Variants in COMMD1 observed in about 807,000 individuals in gnomAD.
COMMD1 encodes copper metabolism domain containing 1, also known as COMM domain-containing protein 1.
A neutral mutation model predicts 17.2 loss-of-function variants in COMMD1; 10 were observed. That is an observed-to-expected ratio of 0.58 (90% CI 0.36 to 0.99). The LOEUF (loss-of-function observed/expected upper bound fraction) is 0.99, where lower values mean the gene tolerates loss of function less well. Ranked by LOEUF, COMMD1 falls within the 50% of genes least tolerant of loss-of-function variation. The probability of loss-of-function intolerance (pLI) is 0.01; values close to 1 mark genes in which losing one functional copy is unlikely to be tolerated. For synonymous variants in COMMD1, 97 were observed against 91.6 expected (o/e 1.06, Z -0.34); for missense variants, 270 against 231.8 (o/e 1.17, Z -1.07).
At chr2:62,085,251 T>C (rs1336956804) in intron 2 of COMMD1, among the ~76,000 whole-genome samples, 6 of 148,830 alleles carry the variant, frequency 4.0e-5, no homozygotes, top group Non-Finnish European at 7.4e-5. Context: ...GGAGCCTTGC[T>C]CTGTCACCCA....
chr2:62,071,305 A>C (rs1005388721), intron 2 of COMMD1, among the ~76,000 whole-genome samples: 30 of 152,210 alleles, frequency 2.0e-4, no homozygotes, highest in Admixed American at 6.5e-5. Flanking sequence ...TATAATTAGC[A>C]CATAATAAGC....
intron 1 of COMMD1, among the ~76,000 whole-genome samples, chr2:61,889,268 G>T (rs1434667931): frequency 6.9e-6 from 1 of 145,244 alleles, no homozygotes; most frequent in Non-Finnish European, 1.5e-5. Flanking sequence ...GTGCAGTGGG[G>T]CGATCTTGGC....
intron 2 of COMMD1, among the ~76,000 whole-genome samples, chr2:62,095,150 A>G (rs1671965703): frequency 6.6e-6 from 1 of 152,226 alleles, no homozygotes; most frequent in South Asian, 2.1e-4. Context: ...TTGGAATCAC[A>G]AACTTTTCCT....
intron 2 of COMMD1, among the ~76,000 whole-genome samples, chr2:62,101,802 C>G (rs1384654962): frequency 6.6e-6 from 1 of 152,212 alleles, no homozygotes; most frequent in African/African-American, 2.4e-5. Context: ...AGGTACACCA[C>G]CCTTTCAGCA....
intron 2 of COMMD1, among the ~76,000 whole-genome samples, chr2:62,006,630 A>G (rs376406095): frequency 2.0e-5 from 3 of 152,234 alleles, no homozygotes; most frequent in Admixed American, 1.3e-4. Flanking sequence ...TGAATATTTT[A>G]TATCCAAAAG....
intron 2 of COMMD1, among the ~76,000 whole-genome samples, chr2:62,016,274 T>G (rs1046232282): frequency 1.4e-5 from 2 of 140,306 alleles, no homozygotes; most frequent in African/African-American, 5.2e-5. Context: ...AGTGGCACAA[T>G]CTCGGCTCAC....
rs1212972398 is a variant in COMMD1 at position 62,098,162 on chromosome 2, C to CTTT, written c.463-37653_463-37651dup. ...AGAGACTGTTTCCTTTCCTTTCTTT[C>CTTT]TTTTTTTTTTTTTTTTTTGAGACAG... On this transcript the variant is annotated intron_variant, in intron 2 of 2. Transcript: ENST00000311832. Among the ~76,000 whole-genome samples, 295 of 125,844 alleles carry CTTT rather than the reference C, an allele frequency of 2.3e-3. 3 individuals carry two copies. Among genetic ancestry groups the CTTT allele is most frequent in the African/African-American group, 8.2e-3 (273 of 33,158 alleles). 82.6% of individuals were successfully genotyped at this position (125,844 alleles called of 152,430 possible). A position where few individuals can be genotyped will look rare whatever the true frequency, so the allele number is the denominator to read the frequency against.
At chr2:62,058,226 A>G (rs571549215) in intron 2 of COMMD1, among the ~76,000 whole-genome samples, 1 of 152,342 alleles carries the variant, frequency 6.6e-6, no homozygotes, top group Non-Finnish European at 1.5e-5. Context: ...TGTCAATTAG[A>G]TTAAGTTGGT....
chr2:62,043,833 G>A (rs1670302535), intron 2 of COMMD1, among the ~76,000 whole-genome samples: 1 of 152,122 alleles, frequency 6.6e-6, no homozygotes, highest in Non-Finnish European at 1.5e-5. Flanking sequence ...AATTTATCGT[G>A]CTGGTGTTTT....
chr2:61,986,828 C>T (rs1407853512), intron 1 of COMMD1, among the ~76,000 whole-genome samples: 1 of 152,078 alleles, frequency 6.6e-6, no homozygotes, highest in Non-Finnish European at 1.5e-5. Context: ...CTTGGCCTCC[C>T]AAAGTGCTAG....
Position 61,906,909 on chromosome 2 carries a change from G to T in COMMD1, c.180+1051G>T, listed in dbSNP as rs1278383832. On this transcript the variant is annotated intron_variant, in intron 1 of 2. Transcript: ENST00000311832. ...TTCAAAGCTGTTTATTCTTTAAAAG[G>T]CACTTCTGTATTTTTTTAAACTGAT... Among the ~76,000 whole-genome samples, 3 of 152,018 alleles carry T rather than the reference G, an allele frequency of 2.0e-5. No individual in the cohort carries two copies. The East Asian group carries it at 5.8e-4, about 29-fold the overall frequency.
At chr2:62,084,018 C>G (rs1268068095) in intron 2 of COMMD1, among the ~76,000 whole-genome samples, 1 of 152,176 alleles carries the variant, frequency 6.6e-6, no homozygotes, top group East Asian at 1.9e-4. Flanking sequence ...TCTGTTTTCT[C>G]CTAAATAAAG....
At chr2:62,088,670 C>A (rs1671740280) in intron 2 of COMMD1, among the ~76,000 whole-genome samples, 2 of 152,172 alleles carry the variant, frequency 1.3e-5, no homozygotes, top group South Asian at 4.1e-4. Context: ...CTTCACATTG[C>A]TTTCTGAAAT....
intron 2 of COMMD1, among the ~76,000 whole-genome samples, chr2:62,134,713 G>T (rs137900836): frequency 0.026 from 3,915 of 152,060 alleles, 166 homozygotes; most frequent in African/African-American, 0.089. Context: ...AGGAGTTTGA[G>T]GCTACAGTGA....
chr2:61,996,051 A>T (rs570784704), intron 1 of COMMD1, among the ~76,000 whole-genome samples: 1 of 152,314 alleles, frequency 6.6e-6, no homozygotes, highest in East Asian at 1.9e-4. Context: ...CTTTAAAAGC[A>T]GTATACATAC....
In COMMD1 at chr2:62,049,140, C is replaced by G. The variant is rs12616728; in HGVS notation, c.462+48158C>G. On this transcript the variant is annotated intron_variant, in intron 2 of 2. Coordinates refer to ENST00000311832, the MANE Select transcript of COMMD1 (RefSeq NM_152516.4). ...TTGCCCAATACTAAGGATATGGTAT[C>G]TACATATTTTAACCCAGAAGCTTAT... Among the ~76,000 whole-genome samples the G allele has an allele frequency of 6.4e-4, 96 of 150,920 alleles. 3 individuals are homozygous for G. The East Asian group carries it at 0.017, about 27-fold the overall frequency.
At chr2:62,001,113 A>G in intron 2 of COMMD1, 131 bp downstream of exon 2, 1 of 927,306 alleles carries the variant, frequency 1.1e-6, no homozygotes, top group Non-Finnish European at 1.7e-6. Context: ...CCTTTTTCAG[A>G]GGTAGAATCA....
rs919105731 is a variant in COMMD1 at position 62,013,734 on chromosome 2, C to A, written c.462+12752C>A. Among the ~76,000 whole-genome samples, 8 of 152,228 alleles carry A rather than the reference C, an allele frequency of 5.3e-5. No individual in the cohort carries two copies. The South Asian group carries it at 1.2e-3, about 24-fold the overall frequency. ...GAAAGTGAGGAATTGGGGGTAACAC[C>A]TTGTTTTTTCTTGTAAGACTATGTT... On this transcript the variant is annotated intron_variant, in intron 2 of 2. Transcript: ENST00000311832.
At chr2:62,011,876 A>T (rs552488392) in intron 2 of COMMD1, among the ~76,000 whole-genome samples, 1 of 152,200 alleles carries the variant, frequency 6.6e-6, no homozygotes, top group Admixed American at 6.5e-5. Flanking sequence ...GCTGAGAATC[A>T]TGAAATAAGA....
Sources: gnomAD v4.1 joint callset for allele counts (sites outside exome capture counted in the v4.1 genomes callset) on GRCh38, gnomAD v4.1.1 for gene constraint, MANE v1.5 for transcripts, NCBI Gene and HGNC (gene_info 2026-07-23, HGNC 2026-07-21) for gene names.